Variants in PARVB observed in about 807,000 individuals in gnomAD.
PARVB encodes beta-parvin.
Under a neutral mutation model 47.0 loss-of-function variants are expected in PARVB, and 46 were observed. The ratio of observed to expected loss-of-function variants is 0.98; its 90% confidence interval spans 0.77 to 1.25. The LOEUF (loss-of-function observed/expected upper bound fraction) is 1.25, where lower values mean the gene tolerates loss of function less well. Ranked by LOEUF, PARVB falls within the 50% of genes most tolerant of loss-of-function variation. The pLI is 0.00. For synonymous variants in PARVB, 196 were observed against 196.3 expected (o/e 1.00, Z 0.01); for missense variants, 473 against 471.6 (o/e 1.00, Z -0.03).
chr22:44,027,687 C>T (rs2050753110), intron 1 of PARVB, among the ~76,000 whole-genome samples: 1 of 152,030 alleles, frequency 6.6e-6, no homozygotes, highest in Non-Finnish European at 1.5e-5. Context: ...CACCTGAGGT[C>T]GGGAATTCGA....
intron 1 of PARVB, among the ~76,000 whole-genome samples, chr22:44,065,511 G>T (rs919270647): frequency 6.6e-6 from 1 of 152,088 alleles, no homozygotes; most frequent in African/African-American, 2.4e-5. Flanking sequence ...TGGGGAACAG[G>T]TGTGTTTGGT....
chr22:44,006,281 G>A (rs1603421893), intron 2 of PARVB, among the ~76,000 whole-genome samples: 1 of 137,772 alleles, frequency 7.3e-6, no homozygotes, highest in African/African-American at 2.7e-5. Context: ...GTATATCCTA[G>A]CATCTTACGC....
At position 44,089,161 on chromosome 22, in the gene PARVB, C is replaced by A. The variant is rs2052102902; in HGVS notation, c.113-4767C>A. On this transcript the variant is annotated intron_variant, in intron 1 of 12. Transcript: ENST00000338758. The surrounding 1 kb of genome is among the most constrained non-coding windows in gnomAD (Gnocchi z 4.0). Reference sequence around the variant, plus strand: ...TCCTGTCTCTCTCTTCCTACCTGGCCCCCCGTGCAGGCCACAGAGCGTGGT... The same window carrying A: ...TCCTGTCTCTCTCTTCCTACCTGGCACCCCGTGCAGGCCACAGAGCGTGGT... Among the ~76,000 whole-genome samples the A allele has an allele frequency of 6.6e-6, 1 of 152,164 alleles. No homozygotes were observed. Among genetic ancestry groups the A allele is most frequent in the African/African-American group, 2.4e-5 (1 of 41,442 alleles).
chr22:44,016,189 C>A (rs1164157040), intron 2 of PARVB, among the ~76,000 whole-genome samples: 2 of 151,544 alleles, frequency 1.3e-5, no homozygotes, highest in Non-Finnish European at 2.9e-5. Flanking sequence ...CTCCACCTCC[C>A]AGGTTTACGC....
chr22:44,016,329 T>C (rs2401517), intron 2 of PARVB, among the ~76,000 whole-genome samples: 118,852 of 151,434 alleles, frequency 0.78, 46,943 homozygotes, highest in African/African-American at 0.87. Context: ...ATCTCCTGAC[T>C]TCGTGATCCG....
intron 1 of PARVB, among the ~76,000 whole-genome samples, chr22:44,028,659 C>T (rs2050773304): frequency 6.6e-6 from 1 of 152,218 alleles, no homozygotes; most frequent in South Asian, 2.1e-4. Context: ...TTCATTTGAG[C>T]TCAATTGCTG....
chr22:44,098,781 A>T (rs550410689), intron 2 of PARVB, among the ~76,000 whole-genome samples: 1 of 152,176 alleles, frequency 6.6e-6, no homozygotes, highest in African/African-American at 2.4e-5. Flanking sequence ...GTCAGCAGCA[A>T]AGTTTCACTC....
At chr22:44,119,572 G>A (rs565989634) in intron 4 of PARVB, among the ~76,000 whole-genome samples, 4 of 152,344 alleles carry the variant, frequency 2.6e-5, no homozygotes, top group Admixed American at 6.5e-5. Flanking sequence ...GCGGGCTCTA[G>A]TGTCTGCATT....
intron 9 of PARVB, 76 bp from the exon 10 acceptor site, chr22:44,151,407 A>G: frequency 9.2e-7 from 1 of 1,081,316 alleles, no homozygotes; most frequent in Non-Finnish European, 1.4e-6. Flanking sequence ...GGGCTGGCAA[A>G]TGTCAAGCCT....
chr22:44,018,090 A>G (rs2050603174), intron 2 of PARVB, among the ~76,000 whole-genome samples: 1 of 152,012 alleles, frequency 6.6e-6, no homozygotes, highest in African/African-American at 2.4e-5. Flanking sequence ...CTATGTCACA[A>G]TCCCACTGAG....
At chr22:44,130,779 A>G (rs920082365) in intron 4 of PARVB, among the ~76,000 whole-genome samples, 12 of 152,098 alleles carry the variant, frequency 7.9e-5, no homozygotes, top group African/African-American at 2.7e-4. Context: ...TCTCAACTAC[A>G]TCTTATTATG....
intron 8 of PARVB, chr22:44,146,605 G>C (rs1251357053): frequency 2.0e-5 from 3 of 152,370 alleles, no homozygotes; most frequent in African/African-American, 7.2e-5. Flanking sequence ...CCTCTGGGAG[G>C]AGGCTTGGCC....
chr22:44,140,225 C>T (rs1217065946), intron 8 of PARVB, 82 bp downstream of exon 8: 1 of 1,428,362 alleles, frequency 7.0e-7, no homozygotes, highest in African/African-American at 1.4e-5. Flanking sequence ...ACATGGTTAT[C>T]TGGAGGGAGT....
chr22:44,151,085 T>C (rs965248211), intron 9 of PARVB: 1 of 157,842 alleles, frequency 6.3e-6, no homozygotes, highest in Non-Finnish European at 1.4e-5. Flanking sequence ...AAGGCAGCAC[T>C]TTCCTCAGTC....
At chr22:44,120,870 G>A (rs1191655730) in intron 4 of PARVB, among the ~76,000 whole-genome samples, 1 of 150,678 alleles carries the variant, frequency 6.6e-6, no homozygotes, top group Non-Finnish European at 1.5e-5. Flanking sequence ...TTGAAATGGA[G>A]TCTTGCTCTG....
chr22:44,161,145 A>G (rs2267621), intron 11 of PARVB, among the ~76,000 whole-genome samples: 59,828 of 151,738 alleles, frequency 0.39, 12,156 homozygotes, highest in South Asian at 0.5. Flanking sequence ...GTGCATGTGC[A>G]TACGTGTGTG....
intron 4 of PARVB, among the ~76,000 whole-genome samples, chr22:44,121,433 T>A (rs545149611): frequency 1.3e-4 from 20 of 152,312 alleles, no homozygotes; most frequent in Admixed American, 3.9e-4. Context: ...ATGCTAAATA[T>A]CATCTCTAAA....
At position 44,170,625 on chromosome 22, in the gene PARVB, G is replaced by A. The variant is rs1045503178; in HGVS notation, c.*1947G>A. The A allele has an allele frequency of 6.6e-6, 1 of 152,158 alleles. No homozygotes were observed. The highest frequency in any genetic ancestry group is 1.5e-5 in the Non-Finnish European group (1 of 68,048). 9.4% of individuals were successfully genotyped at this position (152,158 alleles called of 1,614,324 possible). On this transcript the variant is annotated 3_prime_UTR_variant, in exon 13 of 13. Coordinates refer to ENST00000338758, the MANE Select transcript of PARVB (RefSeq NM_013327.5). ...TCTGCAGAGAACTGGGGATCCCATC[G>A]GCCATGCTTTCTGGGCTGGCCTCTG... is the stretch of plus-strand genomic sequence containing the variant.
At chr22:44,052,725 T>C (rs1472854703) in intron 1 of PARVB, among the ~76,000 whole-genome samples, 1 of 152,136 alleles carries the variant, frequency 6.6e-6, no homozygotes, top group East Asian at 1.9e-4. Context: ...GGCGGATTGC[T>C]TGAGCCCAGG....
Sources: allele counts gnomAD v4.1 joint callset (sites outside exome capture counted in the v4.1 genomes callset), GRCh38; gene constraint gnomAD v4.1.1; non-coding constraint Gnocchi (gnomAD v3.1); transcripts MANE v1.5; gene names NCBI Gene and HGNC (gene_info 2026-07-23, HGNC 2026-07-21).